OLA1: variants seen among roughly 807,000 people sequenced by gnomAD.
The protein encoded by OLA1 is Obg like ATPase 1.
Under a neutral mutation model 48.4 loss-of-function variants are expected in OLA1, and 14 were observed. That is an observed-to-expected ratio of 0.29 (90% CI 0.19 to 0.45). The LOEUF (loss-of-function observed/expected upper bound fraction) is 0.45. Ranked by LOEUF, OLA1 falls within the 20% of genes least tolerant of loss-of-function variation. The pLI is 1.00. For synonymous variants in OLA1, 127 were observed against 150.4 expected (o/e 0.84, Z 1.14); for missense variants, 325 against 467.1 (o/e 0.70, Z 2.80).
Position 174,183,054 on chromosome 2 carries a change from A to AT in OLA1, c.373+39978dup, listed in dbSNP as rs10713070. On this transcript the variant is annotated intron_variant, in intron 4 of 10. Transcript: ENST00000284719. ...GCTCCATACGATCTCTAAAAACGTC[A>AT]TTTTTTTTTAAAAGTCCAGTATCAC... 1.1e-4 allele frequency among the ~76,000 whole-genome samples: 16 copies of AT among 151,842 alleles called. No individual in the cohort carries two copies. In the East Asian group the frequency reaches 1.4e-3, roughly 13 times the overall value.
rs150426509 is a variant in OLA1 at position 174,085,361 on chromosome 2, G to A, written c.729-3297C>T. Among the ~76,000 whole-genome samples the A allele has an allele frequency of 2.3e-3, 351 of 152,254 alleles. 7 individuals carry two copies. The highest frequency in any genetic ancestry group is 0.018 in the Admixed American group (274 of 15,290). On this transcript the variant is annotated intron_variant, in intron 7 of 10. Transcript: ENST00000284719. ...GAGCCCTGCCTCGTGTCAGATCAGC[G>A]GCAGCATTAGATTCTCACAGAAGCC...
intron 7 of OLA1, among the ~76,000 whole-genome samples, chr2:174,119,842 T>G (rs1364791952): frequency 6.6e-6 from 1 of 152,128 alleles, no homozygotes; most frequent in Non-Finnish European, 1.5e-5. Flanking sequence ...CTATCTTGAA[T>G]CAATTTCATC....
intron 7 of OLA1, among the ~76,000 whole-genome samples, chr2:174,098,262 G>T (rs906463524): frequency 6.6e-6 from 1 of 152,134 alleles, no homozygotes; most frequent in Non-Finnish European, 1.5e-5. Flanking sequence ...CGAGCAGTAC[G>T]CATGCAACCT....
rs956714766 is a variant in OLA1, at chr2:174,165,579, C to G, written c.374-23579G>C. On this transcript the variant is annotated intron_variant, in intron 4 of 10. Coordinates refer to ENST00000284719, the MANE Select transcript of OLA1 (RefSeq NM_013341.5). ...TCCTGCCTTTGCTGGAGAGTCCACG[C>G]CAAAGAAATTCTTGTTCCCTTTCAT... Among the ~76,000 whole-genome samples, 21 of 152,178 alleles carry G rather than the reference C, an allele frequency of 1.4e-4. 1 individual carries two copies. The highest frequency in any genetic ancestry group is 5.1e-4 in the African/African-American group (21 of 41,456).
intron 4 of OLA1, among the ~76,000 whole-genome samples, chr2:174,188,426 A>C (rs1558996030): frequency 6.6e-6 from 1 of 152,084 alleles, no homozygotes; most frequent in Non-Finnish European, 1.5e-5. Context: ...TTTTTGTCAA[A>C]ATACAGCATC....
intron 5 of OLA1, among the ~76,000 whole-genome samples, chr2:174,130,451 T>C (rs1041769572): frequency 2.0e-5 from 3 of 152,224 alleles, no homozygotes; most frequent in Non-Finnish European, 2.9e-5. Context: ...CTTTCAGTTA[T>C]ATGATTCACT....
intron 4 of OLA1, among the ~76,000 whole-genome samples, chr2:174,187,357 C>CGT (rs1422071057): frequency 1.3e-5 from 2 of 152,146 alleles, no homozygotes; most frequent in Non-Finnish European, 2.9e-5. Flanking sequence ...TTAAGGATGC[C>CGT]AACAACAGAA....
chr2:174,085,543 G>A (rs1684951909), intron 7 of OLA1, among the ~76,000 whole-genome samples: 1 of 152,172 alleles, frequency 6.6e-6, no homozygotes. Flanking sequence ...CCAGTCCCTG[G>A]TGCCAACAAG....
At chr2:174,122,148 A>G (rs1298281377) in intron 7 of OLA1, among the ~76,000 whole-genome samples, 1 of 152,204 alleles carries the variant, frequency 6.6e-6, no homozygotes, top group Non-Finnish European at 1.5e-5. Context: ...TGCTTTTTAG[A>G]ACATTACCAA....
rs1488059198 is a variant in OLA1, at chr2:174,082,036, T to C, written c.757A>G (p.Lys253Glu). Reference sequence around the variant, plus strand: ...ATGACCAAAGCACCTGGGTCATACTTGTCCACCCACTCTTTAATTTTTATC... The same window carrying C: ...ATGACCAAAGCACCTGGGTCATACTCGTCCACCCACTCTTTAATTTTTATC... The part of the protein sequence containing the change: ...WLIKIKEWVD[K>E]YDPGALVIPF... The change falls in exon 8 of 11, where the codon AAG becomes GAG. Residue 253 changes from lysine to glutamate, a missense_variant. Physicochemically the swap from Lys to Glu is moderately conservative, Grantham distance 56. Transcript: ENST00000284719. 1 of 1,613,334 alleles carries C rather than the reference T, an allele frequency of 6.2e-7. No homozygotes were observed. Among genetic ancestry groups the C allele is most frequent in the African/African-American group, 1.3e-5 (1 of 74,900 alleles).
intron 7 of OLA1, among the ~76,000 whole-genome samples, chr2:174,110,028 C>T (rs1685609398): frequency 6.6e-6 from 1 of 151,722 alleles, no homozygotes; most frequent in Non-Finnish European, 1.5e-5. Flanking sequence ...CATCATTTAG[C>T]TCCCGCTTAT....
intron 7 of OLA1, among the ~76,000 whole-genome samples, chr2:174,121,968 T>C (rs925124072): frequency 1.2e-4 from 18 of 152,292 alleles, no homozygotes; most frequent in African/African-American, 4.3e-4. Context: ...GAAGATTTAT[T>C]AACTGAGGTC....
chr2:174,120,488 A>G (rs1685890206), intron 7 of OLA1, among the ~76,000 whole-genome samples: 1 of 152,202 alleles, frequency 6.6e-6, no homozygotes, highest in South Asian at 2.1e-4. Flanking sequence ...CACTTACAAC[A>G]TCTTGATTAC....
rs533117781 is a variant in OLA1, at chr2:174,078,314, T to C, written c.1089+654A>G. On this transcript the variant is annotated intron_variant, in intron 10 of 10. Transcript: ENST00000284719. ...CCAGCTAATCTGTCTATATTAGAGA[T>C]TGCTAGATTTCTCTAAGTAACATCT... 2.3e-4 allele frequency among the ~76,000 whole-genome samples: 35 copies of C among 152,084 alleles called. No homozygotes were observed. In the South Asian group the frequency reaches 7.2e-3, roughly 32 times the overall value.
chr2:174,117,920 A>AT (rs1242714591), intron 7 of OLA1, among the ~76,000 whole-genome samples: 10 of 152,106 alleles, frequency 6.6e-5, no homozygotes, highest in Admixed American at 2.0e-4. Flanking sequence ...CCATTCTCAC[A>AT]TTGCTATAAA....
intron 7 of OLA1, among the ~76,000 whole-genome samples, chr2:174,084,117 T>C (rs1471970682): frequency 6.6e-6 from 1 of 152,228 alleles, no homozygotes; most frequent in African/African-American, 2.4e-5. Flanking sequence ...TATTGTACCT[T>C]AACTATAATT....
intron 5 of OLA1, among the ~76,000 whole-genome samples, chr2:174,138,371 C>T (rs1271589406): frequency 3.3e-5 from 5 of 152,176 alleles, no homozygotes; most frequent in Non-Finnish European, 7.3e-5. Flanking sequence ...GTAGGTGGAG[C>T]AATCAGAGCA....
intron 4 of OLA1, among the ~76,000 whole-genome samples, chr2:174,150,379 T>C (rs537204269): frequency 3.8e-4 from 58 of 152,340 alleles, no homozygotes; most frequent in Middle Eastern, 3.4e-3. Flanking sequence ...CCCGCTGAGC[T>C]TGTACTTTCC....
At chr2:174,129,117 T>G (rs1433863153) in intron 5 of OLA1, among the ~76,000 whole-genome samples, 7 of 152,098 alleles carry the variant, frequency 4.6e-5, no homozygotes, top group Non-Finnish European at 1.0e-4. Flanking sequence ...AAAATACATG[T>G]AAAACAACTG....
Sources: allele counts gnomAD v4.1 joint callset (sites outside exome capture counted in the v4.1 genomes callset), GRCh38; gene constraint gnomAD v4.1.1; transcripts MANE v1.5; gene names NCBI Gene and HGNC (gene_info 2026-07-23, HGNC 2026-07-21).